ZNF804B: variants seen among roughly 807,000 people sequenced by gnomAD.
The protein encoded by ZNF804B is zinc finger 804B.
Under a neutral mutation model 101.4 loss-of-function variants are expected in ZNF804B, and 80 were observed. The ratio of observed to expected loss-of-function variants is 0.79; its 90% confidence interval spans 0.66 to 0.95. ZNF804B has a LOEUF of 0.95. ZNF804B is among the 40% of genes least tolerant of loss of function. ZNF804B has a pLI of 0.00. For missense variants in ZNF804B, 1,673 were observed against 1,561.9 expected (o/e 1.07, Z -1.20); for synonymous variants, 622 against 558.8 (o/e 1.11, Z -1.59).
At chr7:89,192,347 C>T (rs1450640297) in intron 1 of ZNF804B, among the ~76,000 whole-genome samples, 1 of 151,908 alleles carries the variant, frequency 6.6e-6, no homozygotes, top group Non-Finnish European at 1.5e-5. Flanking sequence ...TGAAAACAAG[C>T]TAATTACCCA....
chr7:88,830,108 A>T (rs982463155), intron 1 of ZNF804B, among the ~76,000 whole-genome samples: 13 of 152,092 alleles, frequency 8.5e-5, no homozygotes, highest in African/African-American at 3.1e-4. Flanking sequence ...AATAAGAGGG[A>T]AAGAGAAAAT....
intron 2 of ZNF804B, among the ~76,000 whole-genome samples, chr7:89,302,941 C>G (rs1453685287): frequency 6.6e-6 from 1 of 151,898 alleles, no homozygotes; most frequent in East Asian, 1.9e-4. Flanking sequence ...CAAAATCAAG[C>G]TGATTTAAAA....
chr7:89,144,048 GA>G (rs1354337613), intron 1 of ZNF804B, among the ~76,000 whole-genome samples: 2 of 151,556 alleles, frequency 1.3e-5, no homozygotes, highest in African/African-American at 2.4e-5. Flanking sequence ...CCTACTGAAT[GA>G]AAAAAAGTAG....
At position 88,910,089 on chromosome 7, in the gene ZNF804B, A is replaced by G. The variant is rs555836095; in HGVS notation, c.108+150005A>G. On this transcript the variant is annotated intron_variant, in intron 1 of 3. Transcript: ENST00000333190. ...TAAAAACAATCACATTAGATTTAAA[A>G]ACATAACCAGGGCAAAAAGTGAATA... is the stretch of plus-strand genomic sequence containing the variant. Among the ~76,000 whole-genome samples the G allele has an allele frequency of 3.9e-5, 6 of 152,024 alleles. No homozygotes were observed. In the South Asian group the frequency reaches 1.2e-3, roughly 32 times the overall value.
At chr7:88,870,615 G>C (rs1435882553) in intron 1 of ZNF804B, among the ~76,000 whole-genome samples, 3 of 152,032 alleles carry the variant, frequency 2.0e-5, no homozygotes, top group Non-Finnish European at 4.4e-5. Flanking sequence ...TTTCAGAGGT[G>C]TAGCTGCAAG....
chr7:89,322,726 G>A (rs145684537), intron 2 of ZNF804B, among the ~76,000 whole-genome samples: 1 of 151,858 alleles, frequency 6.6e-6, no homozygotes, highest in African/African-American at 2.4e-5. Flanking sequence ...ACTCAGAAAA[G>A]AATAAAAAAT....
chr7:89,282,201 A>C lies in ZNF804B; in HGVS notation c.250-45143A>C, dbSNP rs1790109706. On this transcript the variant is annotated intron_variant, in intron 2 of 3. Transcript: ENST00000333190. Reference sequence around the variant, plus strand: ...GGGCGACAGAGCGAGACTCCGTCTAAAAAAAAAAAAAAAAAAAATGTAACT... The same window carrying C: ...GGGCGACAGAGCGAGACTCCGTCTACAAAAAAAAAAAAAAAAAATGTAACT... 2.7e-5 allele frequency among the ~76,000 whole-genome samples: 4 copies of C among 148,510 alleles called. No individual in the cohort carries two copies. In the South Asian group the frequency reaches 8.7e-4, roughly 32 times the overall value.
intron 1 of ZNF804B, among the ~76,000 whole-genome samples, chr7:89,177,031 T>G (rs1451119404): frequency 6.6e-6 from 1 of 152,162 alleles, no homozygotes; most frequent in African/African-American, 2.4e-5. Context: ...CTCCTTTTTT[T>G]GTTAGTCTGG....
intron 1 of ZNF804B, among the ~76,000 whole-genome samples, chr7:88,970,248 G>A (rs563675860): frequency 6.6e-6 from 1 of 151,468 alleles, no homozygotes; most frequent in African/African-American, 2.4e-5. Context: ...GTGCAGGCTT[G>A]TTACATAGGT....
At chr7:89,012,937 C>T (rs576463103) in intron 1 of ZNF804B, among the ~76,000 whole-genome samples, 7 of 152,178 alleles carry the variant, frequency 4.6e-5, no homozygotes, top group Non-Finnish European at 8.8e-5. Flanking sequence ...GGCTGGGTAG[C>T]CCTCAGGAAA....
At chr7:89,019,474 G>T (rs1030943068) in intron 1 of ZNF804B, among the ~76,000 whole-genome samples, 4 of 152,154 alleles carry the variant, frequency 2.6e-5, no homozygotes, top group Non-Finnish European at 5.9e-5. Context: ...GAAATGTTTT[G>T]TAAATATCTA....
chr7:89,268,374 C>T (rs1272728391), intron 2 of ZNF804B, among the ~76,000 whole-genome samples: 2 of 152,102 alleles, frequency 1.3e-5, no homozygotes, highest in Non-Finnish European at 2.9e-5. Context: ...TTTCCTCTTT[C>T]TCATGTGTAC....
intron 2 of ZNF804B, among the ~76,000 whole-genome samples, chr7:89,320,667 A>G (rs1053992745): frequency 2.8e-4 from 43 of 152,150 alleles, no homozygotes; most frequent in African/African-American, 1.0e-3. Context: ...AGATTCCAGA[A>G]GCTCAGAGTA....
At chr7:88,941,644 T>G (rs1793056279) in intron 1 of ZNF804B, among the ~76,000 whole-genome samples, 1 of 151,980 alleles carries the variant, frequency 6.6e-6, no homozygotes, top group African/African-American at 2.4e-5. Flanking sequence ...CAGATGATTT[T>G]TAAGACAGTG....
chr7:89,175,982 A>T (rs963592566), intron 1 of ZNF804B, among the ~76,000 whole-genome samples: 3 of 151,986 alleles, frequency 2.0e-5, no homozygotes, highest in Non-Finnish European at 4.4e-5. Flanking sequence ...TTTTTCCCAA[A>T]TATAAGATCA....
chr7:89,312,001 G>T (rs1270350990), intron 2 of ZNF804B, among the ~76,000 whole-genome samples: 1 of 152,106 alleles, frequency 6.6e-6, no homozygotes, highest in Admixed American at 6.6e-5. Context: ...ATGCCTCAGA[G>T]GTAGTGGGAA....
At chr7:89,269,618 A>T (rs892405820) in intron 2 of ZNF804B, among the ~76,000 whole-genome samples, 2 of 152,154 alleles carry the variant, frequency 1.3e-5, no homozygotes, top group African/African-American at 4.8e-5. Context: ...TTCTAGTTCT[A>T]GGTCCATGAG....
intron 2 of ZNF804B, among the ~76,000 whole-genome samples, chr7:89,267,495 A>C (rs1252345402): frequency 6.6e-6 from 1 of 151,922 alleles, no homozygotes; most frequent in South Asian, 2.1e-4. Flanking sequence ...TCATCTCTTC[A>C]CTCTACTTCC....
At chr7:89,190,640 C>T (rs1377635271) in intron 1 of ZNF804B, among the ~76,000 whole-genome samples, 2 of 152,120 alleles carry the variant, frequency 1.3e-5, no homozygotes, top group Non-Finnish European at 2.9e-5. Flanking sequence ...TGCTATCAAA[C>T]AGCACTGCAT....
Sources: allele counts gnomAD v4.1 joint callset (sites outside exome capture counted in the v4.1 genomes callset), GRCh38; gene constraint gnomAD v4.1.1; transcripts MANE v1.5; gene names NCBI Gene and HGNC (gene_info 2026-07-23, HGNC 2026-07-21).